Variants in LGALS9 observed in about 807,000 individuals in gnomAD.
LGALS9 encodes the protein galectin-9.
A neutral mutation model predicts 35.9 loss-of-function variants in LGALS9; 26 were observed. The observed-to-expected ratio is 0.72, with a 90% CI of 0.53 to 1.01. The LOEUF is 1.01. Ranked by LOEUF, LGALS9 falls within the 50% of genes least tolerant of loss-of-function variation. LGALS9 has a pLI of 0.00. For missense variants in LGALS9, 347 were observed against 445.8 expected (o/e 0.78, Z 1.99); for synonymous variants, 149 against 172.2 (o/e 0.87, Z 1.06).
rs1319117790 is a variant in LGALS9, at chr17:27,639,475, T to C, written c.132-1097T>C. ...TCTCTCCCTTCCTTGGGGCAGGAATTTCGAAAGGACTACAGGGATGAAGCT... is the reference window on the plus strand; with the variant it reads ...TCTCTCCCTTCCTTGGGGCAGGAATCTCGAAAGGACTACAGGGATGAAGCT... On this transcript the variant is annotated intron_variant, in intron 2 of 10. Transcript: ENST00000395473. Among the ~76,000 whole-genome samples the C allele has an allele frequency of 4.6e-5, 7 of 152,296 alleles. No homozygotes were observed. The East Asian group carries it at 1.3e-3, about 29-fold the overall frequency.
chr17:27,648,842 A>T lies in LGALS9; in HGVS notation c.928A>T (p.Ile310Phe). The change falls in exon 11 of 11, where the codon ATC (isoleucine) becomes TTC (phenylalanine). Residue 310 changes from isoleucine (I) to phenylalanine (F), a missense_variant. Coordinates refer to ENST00000395473, the MANE Select transcript of LGALS9 (RefSeq NM_009587.3). ...FVRGQSFSVW[I>F]LCEAHCLKVA... The stretch of plus-strand genomic sequence containing the variant: ...CGGCATGATCTCTGCACAGGTGTGG[A>T]TCTTGTGTGAAGCTCACTGCCTCAA... 1 of 1,613,616 alleles carries T rather than the reference A, an allele frequency of 6.2e-7. No homozygotes were observed. Among genetic ancestry groups the T allele is most frequent in the South Asian group, 1.1e-5 (1 of 91,062 alleles).
intron 9 of LGALS9, 24 bp downstream of exon 9, chr17:27,647,142 T>G (rs1905014911): frequency 6.2e-7 from 1 of 1,614,142 alleles, no homozygotes; most frequent in Non-Finnish European, 8.5e-7. Flanking sequence ...TCCAGTGACC[T>G]CTGGGAAGAG....
At chr17:27,644,101 A>AAGCTCACGCAGCCTCTGC (rs1459201439) in intron 5 of LGALS9, 1 of 156,600 alleles carries the variant, frequency 6.4e-6, no homozygotes, top group Non-Finnish European at 1.4e-5. Context: ...CCAACCCACG[A>AAGCTCACGCAGCCTCTGC]AGCTCACGCA....
intron 1 of LGALS9, among the ~76,000 whole-genome samples, chr17:27,637,603 C>G (rs149707189): frequency 6.6e-6 from 1 of 152,152 alleles, no homozygotes; most frequent in East Asian, 1.9e-4. Context: ...ATGGGGAGCC[C>G]GGGCACAGAA....
intron 2 of LGALS9, among the ~76,000 whole-genome samples, chr17:27,639,015 G>A (rs1193327556): frequency 2.0e-5 from 3 of 152,120 alleles, no homozygotes; most frequent in Admixed American, 1.3e-4. Flanking sequence ...TTTAGTGGGG[G>A]ACCATGGGTG....
Position 27,647,034 on chromosome 17 carries a change from T to A in LGALS9, c.674T>A (p.Met225Lys). 1.9e-6 allele frequency: 3 copies of A among 1,614,030 alleles called. No individual in the cohort carries two copies. Among genetic ancestry groups the A allele is most frequent in the Non-Finnish European group, 2.5e-6 (3 of 1,179,898 alleles). ...PMMYPHPAYP[M>K]PFITTILGGL... is the part of the protein sequence containing the mutation. The stretch of plus-strand genomic sequence containing the variant: ...CTGTCCCCCTTCTTCCGACAGCCGA[T>A]GCCTTTCATCACCACCATTCTGGGA... The change falls in exon 9 of 11, where the codon ATG becomes AAG. Residue 225 changes from methionine to lysine, a missense_variant. Met to Lys is a moderately conservative substitution (Grantham distance 95, BLOSUM62 -1). Transcript: ENST00000395473.
At chr17:27,631,674 T>C (rs1383542739) in intron 1 of LGALS9, among the ~76,000 whole-genome samples, 2 of 152,098 alleles carry the variant, frequency 1.3e-5, no homozygotes, top group Non-Finnish European at 2.9e-5. Context: ...GTGCTTACTG[T>C]GAAGGTGGCC....
At position 27,646,649 on chromosome 17, in the gene LGALS9, GGCC is replaced by G. The variant is rs532979605; in HGVS notation, c.669+64_669+66del. On this transcript the variant is annotated intron_variant, in intron 8 of 10. Transcript: ENST00000395473. Reference sequence around the variant, plus strand: ...TGTGGTGGGCAGGCTGGGGGTGAAGGGCCGCTGTGGGGGGATCCACTGGCCTTG... The same window carrying G: ...TGTGGTGGGCAGGCTGGGGGTGAAGGGCTGTGGGGGGATCCACTGGCCTTG... The G allele has an allele frequency of 1.0e-4, 162 of 1,610,914 alleles. 1 individual carries two copies. In the South Asian group the frequency reaches 1.7e-3, roughly 17 times the overall value.
Position 27,648,988 on chromosome 17 carries a change from T to C in LGALS9, c.*6T>C, listed in dbSNP as rs769671443. ...TGACCCATGTGCAGACATAGGCGGC[T>C]TCCTGGCCCTGGGGCCGGGGGCTGG... On this transcript the variant is annotated 3_prime_UTR_variant, in exon 11 of 11. Transcript: ENST00000395473. 1 of 1,613,918 alleles carries C rather than the reference T, an allele frequency of 6.2e-7. No individual in the cohort carries two copies. Among genetic ancestry groups the C allele is most frequent in the South Asian group, 1.1e-5 (1 of 91,070 alleles).
chr17:27,643,840 C>T (rs1053636404), intron 5 of LGALS9, among the ~76,000 whole-genome samples: 15 of 152,162 alleles, frequency 9.9e-5, no homozygotes, highest in Non-Finnish European at 1.6e-4. Flanking sequence ...AAGGCACGAA[C>T]GTGTCTCCCT....
chr17:27,642,274 C>T lies in LGALS9; in HGVS notation c.370C>T (p.His124Tyr). The change falls in exon 4 of 11, where the codon CAC (histidine) becomes TAC (tyrosine). Residue 124 changes from histidine to tyrosine, a missense_variant. His to Tyr is a moderately conservative substitution (Grantham distance 83). Transcript: ENST00000395473. ...CGGGATCCTCTTCGTGCAGTACTTC[C>T]ACCGCGTGCCCTTCCACCGTGTGGA... is the stretch of plus-strand genomic sequence containing the variant. ...VNGILFVQYFHRVPFHRVDTI... is the reference protein window; with the variant it reads ...VNGILFVQYFYRVPFHRVDTI... 1 of 1,612,922 alleles carries T rather than the reference C, an allele frequency of 6.2e-7. No homozygotes were observed. Among genetic ancestry groups the T allele is most frequent in the Non-Finnish European group, 8.5e-7 (1 of 1,179,782 alleles).
At chr17:27,647,161 T>A in intron 9 of LGALS9, 43 bp downstream of exon 9, 1 of 1,614,066 alleles carries the variant, frequency 6.2e-7, no homozygotes, top group South Asian at 1.1e-5. Context: ...AGAGAGCCCT[T>A]CAAGGTCAGT....
At chr17:27,637,719 G>A (rs1340946020) in intron 1 of LGALS9, among the ~76,000 whole-genome samples, 1 of 152,216 alleles carries the variant, frequency 6.6e-6, no homozygotes, top group Non-Finnish European at 1.5e-5. Context: ...ATATGGTGGT[G>A]GTGGGGAGAG....
At chr17:27,643,372 C>T (rs1469932689) in intron 4 of LGALS9, among the ~76,000 whole-genome samples, 153 bp from the exon 5 acceptor site, 1 of 152,196 alleles carries the variant, frequency 6.6e-6, no homozygotes, top group African/African-American at 2.4e-5. Flanking sequence ...CAGAGCCTGG[C>T]TCTTTCCCAT....
At position 27,642,165 on chromosome 17, in the gene LGALS9, G is replaced by A. The variant is rs1402848372; in HGVS notation, c.334-73G>A. ...CAGGTCTTCATTTTCTAGAAAGAGG[G>A]TCCAGGAGCTCAGGGGTGGTCCCCA... On this transcript the variant is annotated intron_variant, in intron 3 of 10. Coordinates refer to ENST00000395473, the MANE Select transcript of LGALS9 (RefSeq NM_009587.3). 6.4e-6 allele frequency: 10 copies of A among 1,565,744 alleles called. No homozygotes were observed. In the East Asian group the frequency reaches 2.1e-4, roughly 33 times the overall value.
chr17:27,631,362 G>A, intron 1 of LGALS9, 58 bp downstream of exon 1: 2 of 1,610,718 alleles, frequency 1.2e-6, no homozygotes, highest in Non-Finnish European at 1.7e-6. Context: ...CAGCTCTGGG[G>A]CTCTGAGGAA....
chr17:27,634,136 T>C (rs575619986), intron 1 of LGALS9, among the ~76,000 whole-genome samples: 6 of 152,356 alleles, frequency 3.9e-5, no homozygotes, highest in African/African-American at 1.2e-4. Context: ...TTAAAATCAA[T>C]GTGTCAGCAA....
intron 1 of LGALS9, among the ~76,000 whole-genome samples, chr17:27,633,289 C>T (rs1323028887): frequency 6.9e-6 from 1 of 144,278 alleles, no homozygotes; most frequent in African/African-American, 2.5e-5. Context: ...GCCCAGAGCC[C>T]TCATGGACAC....
At chr17:27,633,352 A>G (rs1163418116) in intron 1 of LGALS9, among the ~76,000 whole-genome samples, 1 of 152,234 alleles carries the variant, frequency 6.6e-6, no homozygotes, top group Non-Finnish European at 1.5e-5. Context: ...AAAACAACAC[A>G]TTTGTTCTTA....
Sources: allele counts gnomAD v4.1 joint callset (sites outside exome capture counted in the v4.1 genomes callset), GRCh38; gene constraint gnomAD v4.1.1; transcripts MANE v1.5; gene names NCBI Gene and HGNC (gene_info 2026-07-23, HGNC 2026-07-21).